Variants in SP100 observed in about 807,000 individuals in gnomAD.
SP100 encodes nuclear autoantigen Sp-100.
A neutral mutation model predicts 130.0 loss-of-function variants in SP100; 84 were observed. The ratio of observed to expected loss-of-function variants is 0.65; its 90% CI spans 0.54 to 0.77. The LOEUF (loss-of-function observed/expected upper bound fraction) is 0.77, where lower values mean the gene tolerates loss of function less well. Among genes scored for constraint, SP100 ranks in the 30% least tolerant of loss-of-function variants. The pLI is 0.00. For synonymous variants in SP100, 331 were observed against 351.7 expected (o/e 0.94, Z 0.66); for missense variants, 978 against 1,052.2 (o/e 0.93, Z 0.97).
intron 20 of SP100, among the ~76,000 whole-genome samples, chr2:230,503,868 A>T (rs970651680): frequency 6.6e-6 from 1 of 152,214 alleles, no homozygotes; most frequent in Non-Finnish European, 1.5e-5. Context: ...CATCAAAGCA[A>T]TATGAGTGGA....
intron 8 of SP100, among the ~76,000 whole-genome samples, chr2:230,457,174 T>C (rs1220819633): frequency 2.6e-5 from 4 of 152,184 alleles, no homozygotes; most frequent in African/African-American, 7.2e-5. Context: ...GGACAACCAG[T>C]GGGCAGGTCT....
rs907744693 is a variant in SP100 at position 230,543,935 on chromosome 2, A to T, written c.*989A>T. 9 of 152,192 alleles carry T rather than the reference A, an allele frequency of 5.9e-5. No individual in the cohort carries two copies. Among genetic ancestry groups the T allele is most frequent in the Non-Finnish European group, 8.8e-5 (6 of 68,036 alleles). The allele number at this position is 152,192 out of a possible 1,614,324, so 9.4% of individuals were successfully genotyped here. A position where few individuals can be genotyped will look rare whatever the true frequency, so the allele number is the denominator to read the frequency against. On this transcript the variant is annotated 3_prime_UTR_variant, in exon 29 of 29. Coordinates refer to ENST00000340126, the MANE Select transcript of SP100 (RefSeq NM_001080391.2). Reference sequence around the variant, plus strand: ...ATTACAGGGCTTCAGTAACCAAAACAGCATGGTACTGGTACCAAAAAAAAA... The same window carrying T: ...ATTACAGGGCTTCAGTAACCAAAACTGCATGGTACTGGTACCAAAAAAAAA...
rs181323652 is a variant in SP100 at position 230,438,706 on chromosome 2, G to A, written c.108-4231G>A. On this transcript the variant is annotated intron_variant, in intron 2 of 28. Transcript: ENST00000340126. ...ACACACATATGGTATATATATATGT[G>A]TATACATGTATATGTGTATATATAC... Among the ~76,000 whole-genome samples, 250 of 148,302 alleles carry A rather than the reference G, an allele frequency of 1.7e-3. 4 individuals are homozygous for A. The highest frequency in any genetic ancestry group is 6.0e-3 in the African/African-American group (242 of 40,014).
intron 4 of SP100, among the ~76,000 whole-genome samples, 156 bp downstream of exon 4, chr2:230,444,502 C>G (rs17273810): frequency 6.6e-6 from 1 of 151,996 alleles, no homozygotes; most frequent in Non-Finnish European, 1.5e-5. Context: ...TAGCTCATGG[C>G]GTATGGCTAT....
intron 2 of SP100, among the ~76,000 whole-genome samples, chr2:230,422,803 C>T (rs2062808100): frequency 6.6e-6 from 1 of 152,148 alleles, no homozygotes; most frequent in Non-Finnish European, 1.5e-5. Flanking sequence ...TTCCTGGAAT[C>T]CCTGAGATAA....
chr2:230,491,719 C>T (rs1284501383), intron 17 of SP100, among the ~76,000 whole-genome samples: 1 of 152,180 alleles, frequency 6.6e-6, no homozygotes, highest in Non-Finnish European at 1.5e-5. Flanking sequence ...AATCACCTTC[C>T]ACCAGGCCCC....
At chr2:230,434,961 T>C (rs1463757865) in intron 2 of SP100, among the ~76,000 whole-genome samples, 1 of 152,196 alleles carries the variant, frequency 6.6e-6, no homozygotes, top group Admixed American at 6.5e-5. Context: ...TTGGGAGCAT[T>C]GAAAGTTCTG....
chr2:230,476,097 G>A (rs868245423), intron 17 of SP100, among the ~76,000 whole-genome samples: 5 of 152,146 alleles, frequency 3.3e-5, no homozygotes, highest in Admixed American at 2.6e-4. Flanking sequence ...TTTTAATAAG[G>A]ATGGTGTTGA....
At chr2:230,425,801 A>AT (rs35350531) in intron 2 of SP100, among the ~76,000 whole-genome samples, 36,332 of 148,028 alleles carry the variant, frequency 0.25, 4,577 homozygotes, top group Non-Finnish European at 0.29. Flanking sequence ...CTTGCTCTTA[A>AT]TTTTTTTTTT....
intron 14 of SP100, 37 bp from the exon 15 acceptor site, chr2:230,469,978 G>T: frequency 6.3e-7 from 1 of 1,594,004 alleles, no homozygotes; most frequent in South Asian, 1.1e-5. Context: ...CTAAGACTCA[G>T]ACTAAGACTG....
Position 230,446,894 on chromosome 2 carries a change from T to C in SP100, c.515T>C (p.Leu172Pro). ...REERSGLQLS[L>P]EQGTGENSFR... ...GAGAGGTCTGGCCTCCAACTAAGTC[T>C]TGAACAAGGTAAAAATGACAGAATA... is the stretch of plus-strand genomic sequence containing the variant. Residue 172 changes from leucine to proline, a missense_variant, in exon 5 of 29, where the codon CTT becomes CCT. Transcript: ENST00000340126. 6.2e-7 allele frequency: 1 copy of C among 1,602,042 alleles called. No individual in the cohort carries two copies.
chr2:230,533,850 G>T (rs1691813438), intron 24 of SP100, among the ~76,000 whole-genome samples: 1 of 152,114 alleles, frequency 6.6e-6, no homozygotes, highest in Admixed American at 6.5e-5. Context: ...GGTTTATGGA[G>T]ATCTTACTCT....
intron 11 of SP100, among the ~76,000 whole-genome samples, chr2:230,465,988 C>T (rs1210357640): frequency 1.3e-5 from 2 of 151,786 alleles, no homozygotes; most frequent in Non-Finnish European, 2.9e-5. Flanking sequence ...AGTTCGAGAC[C>T]AGTCTGACCA....
intron 4 of SP100, among the ~76,000 whole-genome samples, chr2:230,445,054 A>C (rs929144663): frequency 6.6e-6 from 1 of 152,156 alleles, no homozygotes; most frequent in African/African-American, 2.4e-5. Context: ...GGTTTTGCTA[A>C]CCCTTTATCC....
chr2:230,443,110 T>G lies in SP100; in HGVS notation c.270+11T>G. Reference sequence around the variant, plus strand: ...AATAAAATGTTTGAAGTAAGTAAAGTTTATTATGTCACAATCTGGTAAAGC... The same window carrying G: ...AATAAAATGTTTGAAGTAAGTAAAGGTTATTATGTCACAATCTGGTAAAGC... On this transcript the variant is annotated intron_variant, in intron 3 of 28. Coordinates refer to ENST00000340126, the MANE Select transcript of SP100 (RefSeq NM_001080391.2). 1.2e-6 allele frequency: 2 copies of G among 1,613,076 alleles called. No homozygotes were observed. The highest frequency in any genetic ancestry group is 1.7e-6 in the Non-Finnish European group (2 of 1,179,296).
At chr2:230,469,914 C>T in intron 14 of SP100, 101 bp from the exon 15 acceptor site, 10 of 1,508,106 alleles carry the variant, frequency 6.6e-6, no homozygotes, top group Non-Finnish European at 8.9e-6. Flanking sequence ...TTCTCCCCCT[C>T]CTCCACAAGC....
intron 2 of SP100, among the ~76,000 whole-genome samples, chr2:230,439,398 A>T (rs2063397361): frequency 6.6e-6 from 1 of 152,064 alleles, no homozygotes; most frequent in South Asian, 2.1e-4. Context: ...CAGTATGATC[A>T]TTTTCACAAT....
chr2:230,422,246 G>C (rs1000456942), intron 2 of SP100, among the ~76,000 whole-genome samples: 1 of 152,020 alleles, frequency 6.6e-6, no homozygotes, highest in South Asian at 2.1e-4. Context: ...TAAATTTTAC[G>C]TTTCTTCCAA....
At chr2:230,431,750 A>C (rs2063106376) in intron 2 of SP100, among the ~76,000 whole-genome samples, 1 of 152,108 alleles carries the variant, frequency 6.6e-6, no homozygotes, top group Admixed American at 6.5e-5. Flanking sequence ...GAAACATCCT[A>C]TGCAGTTTAA....
Sources: gnomAD v4.1 joint callset for allele counts (sites outside exome capture counted in the v4.1 genomes callset) on GRCh38, gnomAD v4.1.1 for gene constraint, MANE v1.5 for transcripts, NCBI Gene and HGNC (gene_info 2026-07-23, HGNC 2026-07-21) for gene names.